GNB4: variants seen among roughly 807,000 people sequenced by gnomAD.
GNB4 encodes the protein guanine nucleotide-binding protein subunit beta-4.
In GNB4, 28 loss-of-function variants were observed where a neutral mutation model predicts 45.2. The ratio of observed to expected loss-of-function variants is 0.62; its 90% CI spans 0.46 to 0.85. The LOEUF (loss-of-function observed/expected upper bound fraction) is 0.85, where lower values mean the gene tolerates loss of function less well. GNB4 is among the 40% of genes least tolerant of loss of function. The probability of loss-of-function intolerance (pLI) is 0.00; values close to 1 mark genes in which losing one functional copy is unlikely to be tolerated. For synonymous variants in GNB4, 132 were observed against 143.7 expected (o/e 0.92, Z 0.58); for missense variants, 321 against 425.4 (o/e 0.75, Z 2.16).
the GNB4 span, among the ~76,000 whole-genome samples, chr3:179,487,853 C>G: frequency 6.6e-6 from 1 of 152,038 alleles, no homozygotes; most frequent in African/African-American, 2.4e-5. Flanking sequence ...GATTTGAGAC[C>G]AGCCTGCCCA....
the GNB4 span, among the ~76,000 whole-genome samples, chr3:179,515,599 C>T: frequency 8.7e-4 from 132 of 152,230 alleles, no homozygotes; most frequent in Admixed American, 1.6e-3. Context: ...ATTTCTACTT[C>T]TTTTGTGATT....
chr3:179,479,515 T>C, the GNB4 span, among the ~76,000 whole-genome samples: 9 of 152,192 alleles, frequency 5.9e-5, no homozygotes, highest in African/African-American at 1.9e-4. Flanking sequence ...CCTCCACTTA[T>C]CAGATCAAGA....
At chr3:179,404,398 C>T (rs1714401288) in intron 9 of GNB4, among the ~76,000 whole-genome samples, 1 of 152,018 alleles carries the variant, frequency 6.6e-6, no homozygotes, top group Non-Finnish European at 1.5e-5. Context: ...AACAGCAATA[C>T]AGGCATGTTA....
chr3:179,522,892 A>T, the GNB4 span, among the ~76,000 whole-genome samples: 1 of 152,096 alleles, frequency 6.6e-6, no homozygotes, highest in African/African-American at 2.4e-5. Context: ...AGGAATTTTG[A>T]CCACACAGCT....
chr3:179,512,198 T>C, the GNB4 span, among the ~76,000 whole-genome samples: 3 of 152,174 alleles, frequency 2.0e-5, no homozygotes, highest in African/African-American at 4.8e-5. Flanking sequence ...CAAAGTGAGG[T>C]TGCTGTTCTA....
intron 1 of GNB4, among the ~76,000 whole-genome samples, chr3:179,442,712 T>G (rs1715624101): frequency 6.6e-6 from 1 of 152,008 alleles, no homozygotes; most frequent in Non-Finnish European, 1.5e-5. Flanking sequence ...ACTGCAGCCT[T>G]GAACCCAGTG....
chr3:179,465,222 TG>T, the GNB4 span: 1 of 1,408,368 alleles, frequency 7.1e-7, no homozygotes, highest in Non-Finnish European at 1.0e-6. Flanking sequence ...GTTGGAGATG[TG>T]GATTTTGAAG....
the GNB4 span, among the ~76,000 whole-genome samples, chr3:179,507,575 T>A: frequency 6.6e-6 from 1 of 152,240 alleles, no homozygotes; most frequent in African/African-American, 2.4e-5. Context: ...GAACACATCC[T>A]GCTCTCATTT....
the GNB4 span, among the ~76,000 whole-genome samples, chr3:179,489,047 A>AT: frequency 1.9e-4 from 4 of 20,988 alleles, 1 homozygote; most frequent in Non-Finnish European, 2.3e-4. Context: ...TATATATATA[A>AT]TATATATGTA....
At chr3:179,408,553 G>T (rs1187460300) in intron 8 of GNB4, among the ~76,000 whole-genome samples, 1 of 152,168 alleles carries the variant, frequency 6.6e-6, no homozygotes, top group Non-Finnish European at 1.5e-5. Context: ...CATTTTGGGA[G>T]GCCGAGGCAG....
chr3:179,420,484 C>T (rs534044344), intron 3 of GNB4, among the ~76,000 whole-genome samples: 31 of 148,588 alleles, frequency 2.1e-4, no homozygotes, highest in East Asian at 3.9e-4. Flanking sequence ...TTTTTTGAGA[C>T]GGCGTCTCAC....
At chr3:179,498,770 C>CTTTTTT in the GNB4 span, among the ~76,000 whole-genome samples, 1 of 130,708 alleles carries the variant, frequency 7.7e-6, no homozygotes, top group African/African-American at 2.9e-5. Flanking sequence ...TTTTTTTTGC[C>CTTTTTT]TCTTTCTTTA....
At chr3:179,458,098 T>A in the GNB4 span, among the ~76,000 whole-genome samples, 8 of 152,054 alleles carry the variant, frequency 5.3e-5, no homozygotes, top group Non-Finnish European at 1.0e-4. Context: ...ACAGACGGGG[T>A]TTCACCATAT....
intron 1 of GNB4, among the ~76,000 whole-genome samples, chr3:179,448,254 C>T (rs575034782): frequency 1.3e-5 from 2 of 152,210 alleles, no homozygotes; most frequent in East Asian, 1.9e-4. Context: ...TGTGAGCCAC[C>T]GCGCCTGGCC....
chr3:179,412,775 G>A (rs1045410665), intron 8 of GNB4, among the ~76,000 whole-genome samples: 4 of 151,304 alleles, frequency 2.6e-5, no homozygotes, highest in African/African-American at 9.7e-5. Flanking sequence ...AGAAAGACGA[G>A]ACTTTTTTCT....
intron 6 of GNB4, 93 bp from the exon 7 acceptor site, chr3:179,413,874 T>C: frequency 1.1e-6 from 1 of 886,988 alleles, no homozygotes; most frequent in Non-Finnish European, 1.8e-6. Flanking sequence ...AAAAATAGAA[T>C]ACTTGGGCAA....
the GNB4 span, among the ~76,000 whole-genome samples, chr3:179,489,590 A>G: frequency 2.0e-5 from 3 of 152,300 alleles, no homozygotes; most frequent in East Asian, 1.9e-4. Context: ...ACAGTGAGCT[A>G]TGATTCTGCC....
At chr3:179,423,691 G>C (rs1209733673) in intron 2 of GNB4, among the ~76,000 whole-genome samples, 4 of 151,910 alleles carry the variant, frequency 2.6e-5, no homozygotes, top group Non-Finnish European at 4.4e-5. Context: ...TGAGGCAGGA[G>C]AATCACTTGA....
chr3:179,463,962 G>T, the GNB4 span, among the ~76,000 whole-genome samples: 1 of 152,144 alleles, frequency 6.6e-6, no homozygotes, highest in African/African-American at 2.4e-5. Flanking sequence ...ATTTGCTAAA[G>T]GAATAGATCT....
Sources: gnomAD v4.1 joint callset for allele counts (sites outside exome capture counted in the v4.1 genomes callset) on GRCh38, gnomAD v4.1.1 for gene constraint, MANE v1.5 for transcripts, NCBI Gene and HGNC (gene_info 2026-07-23, HGNC 2026-07-21) for gene names.